The following OGFRL1 variants were observed in gnomAD, a reference collection of about 807,000 sequenced individuals.
The protein encoded by OGFRL1 is opioid growth factor receptor like 1, also known as opioid growth factor receptor-like protein 1.
Under a neutral mutation model 32.4 loss-of-function variants are expected in OGFRL1, and 26 were observed. The ratio of observed to expected loss-of-function variants is 0.80; its 90% confidence interval spans 0.59 to 1.11. OGFRL1 has a LOEUF of 1.11. Among genes scored for constraint, OGFRL1 ranks in the 50% most tolerant of loss-of-function variants. The pLI, the probability that OGFRL1 is intolerant of heterozygous loss-of-function variation, is 0.00. For missense variants in OGFRL1, 521 were observed against 546.4 expected (o/e 0.95, Z 0.46); for synonymous variants, 211 against 201.2 (o/e 1.05, Z -0.41).
At position 71,294,182 on chromosome 6, in the gene OGFRL1, C is replaced by G. The variant is rs1561947259; in HGVS notation, c.400+571C>G. ...AAATACACTTGTCTCCTTCCCAACT[C>G]TGCAATTGCCCTCCTAGGATATTTT... is the stretch of plus-strand genomic sequence containing the variant. On this transcript the variant is annotated intron_variant, in intron 3 of 6. Transcript: ENST00000370435. 3.9e-5 allele frequency among the ~76,000 whole-genome samples: 6 copies of G among 152,292 alleles called. No individual in the cohort carries two copies. The South Asian group carries it at 1.2e-3, about 32-fold the overall frequency.
chr6:71,296,445 G>A (rs1232350268), intron 4 of OGFRL1, 50 bp downstream of exon 4: 4 of 1,595,210 alleles, frequency 2.5e-6, no homozygotes, highest in Non-Finnish European at 3.4e-6. Context: ...AATCATGTAT[G>A]TTTTCCAGAC....
In OGFRL1 at chr6:71,301,967, A is replaced by G; in HGVS notation, c.1274A>G (p.Asn425Ser). Residue 425 changes from asparagine to serine, a missense_variant, in exon 7 of 7, where the codon AAT becomes AGT. Transcript: ENST00000370435. ...AAAAAGGAGAGTGTATCTCCTGAGAATAACGAAGAAGGTGGAAATGATAAC... is the reference window on the plus strand; with the variant it reads ...AAAAAGGAGAGTGTATCTCCTGAGAGTAACGAAGAAGGTGGAAATGATAAC... ...TEKKESVSPENNEEGGNDNQD... is the reference protein window; with the variant it reads ...TEKKESVSPESNEEGGNDNQD... The G allele has an allele frequency of 6.2e-7, 1 of 1,604,966 alleles. No individual in the cohort carries two copies. The highest frequency in any genetic ancestry group is 8.5e-7 in the Non-Finnish European group (1 of 1,177,848).
At chr6:71,289,867 T>G in intron 1 of OGFRL1, 1 of 967,972 alleles carries the variant, frequency 1.0e-6, no homozygotes, top group South Asian at 4.8e-5. Context: ...ATCAGGAACT[T>G]TAAAAAGGAG....
rs1766386213 is a variant in OGFRL1 at position 71,301,492 on chromosome 6, CT to C, written c.801del (p.Val268TrpfsTer13). 6.2e-7 allele frequency: 1 copy of C among 1,613,712 alleles called. No homozygotes were observed. The highest frequency in any genetic ancestry group is 8.5e-7 in the Non-Finnish European group (1 of 1,179,932). ...PLVKFILHEA[L>X]VENTIPNIKQ... The stretch of plus-strand genomic sequence containing the variant: ...TGTAAAATTTATTCTTCATGAAGCT[CT>C]TGTGGAGAATACTATTCCCAATATT... On this transcript the variant is annotated frameshift_variant, in exon 7 of 7. Transcript: ENST00000370435. LOFTEE classifies it low-confidence loss of function (END_TRUNC).
chr6:71,301,051 ATCAT>A (rs1429154625), intron 6 of OGFRL1, among the ~76,000 whole-genome samples: 4 of 152,200 alleles, frequency 2.6e-5, no homozygotes, highest in African/African-American at 4.8e-5. Flanking sequence ...GCTCTGTTAG[ATCAT>A]TCATCTTCAG....
intron 4 of OGFRL1, 49 bp from the exon 5 acceptor site, chr6:71,296,446 T>C (rs1291080696): frequency 3.1e-6 from 5 of 1,595,288 alleles, no homozygotes; most frequent in Non-Finnish European, 4.3e-6. Context: ...ATCATGTATG[T>C]TTTCCAGACA....
At chr6:71,289,376 G>A in intron 1 of OGFRL1, 4 of 984,552 alleles carry the variant, frequency 4.1e-6, no homozygotes, top group South Asian at 4.7e-5. Flanking sequence ...CCCTCCCACT[G>A]CCGGCCTGGG....
At position 71,288,969 on chromosome 6, in the gene OGFRL1, C is replaced by G; in HGVS notation, c.33C>G (p.Arg11=). 2 of 1,391,018 alleles carry G rather than the reference C, an allele frequency of 1.4e-6. No individual in the cohort carries two copies. Among genetic ancestry groups the G allele is most frequent in the Non-Finnish European group, 1.9e-6 (2 of 1,057,272 alleles). The allele number at this position is 1,391,018 out of a possible 1,614,324, so 86.2% of individuals were successfully genotyped here. The change falls in exon 1 of 7, where the codon CGC becomes CGG. Residue 11 remains arginine, a synonymous_variant. Transcript: ENST00000370435. MGNLLGGVSF[R]EPTTVEDCDS... is the part of the protein sequence containing the mutation. The stretch of plus-strand genomic sequence containing the variant: ...ACCTGCTCGGCGGGGTCAGCTTCCG[C>G]GAGCCCACCACCGTGGAGGACTGCG...
Position 71,308,175 on chromosome 6 carries a change from T to C in OGFRL1, c.*6126T>C, listed in dbSNP as rs1035199566. ...TAGCAACAGTTGGTAGTTTTACAAG[T>C]TAAGTTGATGGTCTGGCTGCAGATA... is the stretch of plus-strand genomic sequence containing the variant. On this transcript the variant is annotated 3_prime_UTR_variant, in exon 7 of 7. Transcript: ENST00000370435. The C allele has an allele frequency of 6.6e-6, 1 of 152,180 alleles. No individual in the cohort carries two copies. The highest frequency in any genetic ancestry group is 2.4e-5 in the African/African-American group (1 of 41,448). The allele number at this position is 152,180 out of a possible 1,614,324, so 9.4% of individuals were successfully genotyped here. A position where few individuals can be genotyped will look rare whatever the true frequency, so the allele number is the denominator to read the frequency against.
At chr6:71,295,148 C>T (rs1455899128) in intron 3 of OGFRL1, 1 of 152,086 alleles carries the variant, frequency 6.6e-6, no homozygotes, top group African/African-American at 2.4e-5. Flanking sequence ...CACACACGCA[C>T]ACACACACTA....
At position 71,301,429 on chromosome 6, in the gene OGFRL1, C is replaced by T; in HGVS notation, c.736C>T (p.Leu246Phe). ...YLRITRILKSLGELGYESFKS... is the reference protein window; with the variant it reads ...YLRITRILKSFGELGYESFKS... ...AAGAATCACTCGTATTCTTAAAAGCCTTGGTGAGCTTGGATATGAAAGTTT... is the reference window on the plus strand; with the variant it reads ...AAGAATCACTCGTATTCTTAAAAGCTTTGGTGAGCTTGGATATGAAAGTTT... The change falls in exon 7 of 7, where the codon CTT (leucine) becomes TTT (phenylalanine). Residue 246 changes from leucine (L) to phenylalanine (F), a missense_variant. Physicochemically the swap from Leu to Phe is conservative, Grantham distance 22. Coordinates refer to ENST00000370435, the MANE Select transcript of OGFRL1 (RefSeq NM_024576.5). 1 of 1,606,774 alleles carries T rather than the reference C, an allele frequency of 6.2e-7. No homozygotes were observed. Among genetic ancestry groups the T allele is most frequent in the Non-Finnish European group, 8.5e-7 (1 of 1,177,974 alleles).
At position 71,308,876 on chromosome 6, in the gene OGFRL1, A is replaced by G. The variant is rs1421983463; in HGVS notation, c.*6827A>G. 6.6e-6 allele frequency: 1 copy of G among 152,220 alleles called. No individual in the cohort carries two copies. Among genetic ancestry groups the G allele is most frequent in the African/African-American group, 2.4e-5 (1 of 41,460 alleles). 9.4% of individuals were successfully genotyped at this position (152,220 alleles called of 1,614,324 possible). On this transcript the variant is annotated 3_prime_UTR_variant, in exon 7 of 7. Transcript: ENST00000370435. ...TAATAAAAGCCACTCCATCTTAGATAACATTTTAGCATTGTGCTAGAGTAC... is the reference window on the plus strand; with the variant it reads ...TAATAAAAGCCACTCCATCTTAGATGACATTTTAGCATTGTGCTAGAGTAC...
At position 71,288,880 on chromosome 6, in the gene OGFRL1, C is replaced by T; in HGVS notation, c.-57C>T. On this transcript the variant is annotated 5_prime_UTR_variant, in exon 1 of 7. Coordinates refer to ENST00000370435, the MANE Select transcript of OGFRL1 (RefSeq NM_024576.5). The stretch of plus-strand genomic sequence containing the variant: ...GCGGCCATGCCCGGGCCCTAGAGCG[C>T]CTGCCGCAGCTTGCGCCCCGCAGCC... 3 of 1,190,532 alleles carry T rather than the reference C, an allele frequency of 2.5e-6. No homozygotes were observed. The highest frequency in any genetic ancestry group is 3.8e-5 in the South Asian group (2 of 52,484). 73.7% of individuals were successfully genotyped at this position (1,190,532 alleles called of 1,614,324 possible). A position where few individuals can be genotyped will look rare whatever the true frequency, so the allele number is the denominator to read the frequency against.
chr6:71,290,480 C>G (rs1195795713), intron 1 of OGFRL1, among the ~76,000 whole-genome samples: 1 of 152,194 alleles, frequency 6.6e-6, no homozygotes, highest in African/African-American at 2.4e-5. Flanking sequence ...AGCTAAGATT[C>G]AATCCAACTA....
At position 71,301,393 on chromosome 6, in the gene OGFRL1, C is replaced by T; in HGVS notation, c.700C>T (p.His234Tyr). 1 of 1,573,846 alleles carries T rather than the reference C, an allele frequency of 6.4e-7. No homozygotes were observed. Among genetic ancestry groups the T allele is most frequent in the Non-Finnish European group, 8.6e-7 (1 of 1,162,496 alleles). Reference protein sequence around the residue: ...ERFQHLNESQHNYLRITRILK... With the variant: ...ERFQHLNESQYNYLRITRILK... ...TTCAATCCTCTCTTCCAGGTCCCAG[C>T]ACAACTATTTAAGAATCACTCGTAT... Residue 234 changes from histidine (H) to tyrosine (Y), a missense_variant, in exon 7 of 7, where the codon CAC becomes TAC. His to Tyr is a moderately conservative substitution (Grantham distance 83, BLOSUM62 2). Coordinates refer to ENST00000370435, the MANE Select transcript of OGFRL1 (RefSeq NM_024576.5).
At chr6:71,291,630 G>C (rs1453644979) in intron 1 of OGFRL1, 1 of 152,280 alleles carries the variant, frequency 6.6e-6, no homozygotes, top group Non-Finnish European at 1.5e-5. Context: ...AAGGGAATAG[G>C]GGTTGGAAGA....
Position 71,306,652 on chromosome 6 carries a change from A to G in OGFRL1, c.*4603A>G, listed in dbSNP as rs1766559541. On this transcript the variant is annotated 3_prime_UTR_variant, in exon 7 of 7. Transcript: ENST00000370435. Reference sequence around the variant, plus strand: ...CTGTTTGGGACAATAGCATCAGTTTATCAAGAAGTGTACTCACCATGATAT... The same window carrying G: ...CTGTTTGGGACAATAGCATCAGTTTGTCAAGAAGTGTACTCACCATGATAT... 1 of 152,212 alleles carries G rather than the reference A, an allele frequency of 6.6e-6. No homozygotes were observed. The highest frequency in any genetic ancestry group is 1.5e-5 in the Non-Finnish European group (1 of 68,032). The allele number at this position is 152,212 out of a possible 1,614,324, so 9.4% of individuals were successfully genotyped here. A position where few individuals can be genotyped will look rare whatever the true frequency, so the allele number is the denominator to read the frequency against.
chr6:71,293,402 T>G (rs1180541377), intron 2 of OGFRL1, 23 bp downstream of exon 2: 1 of 1,604,378 alleles, frequency 6.2e-7, no homozygotes, highest in African/African-American at 1.3e-5. Flanking sequence ...AATGCTATGT[T>G]TTAAACTGTA....
rs1766625587 is a variant in OGFRL1 at position 71,308,596 on chromosome 6, T to C, written c.*6547T>C. 1 of 152,212 alleles carries C rather than the reference T, an allele frequency of 6.6e-6. No individual in the cohort carries two copies. Among genetic ancestry groups the C allele is most frequent in the African/African-American group, 2.4e-5 (1 of 41,452 alleles). 9.4% of individuals were successfully genotyped at this position (152,212 alleles called of 1,614,324 possible). On this transcript the variant is annotated 3_prime_UTR_variant, in exon 7 of 7. Transcript: ENST00000370435. Reference sequence around the variant, plus strand: ...CTGCAGTATGAATTACAGAATGCTGTGCATGTTCGTTAGTACCAATACCAT... The same window carrying C: ...CTGCAGTATGAATTACAGAATGCTGCGCATGTTCGTTAGTACCAATACCAT...
Sources: allele counts gnomAD v4.1 joint callset (sites outside exome capture counted in the v4.1 genomes callset), GRCh38; gene constraint gnomAD v4.1.1; transcripts MANE v1.5; gene names NCBI Gene and HGNC (gene_info 2026-07-23, HGNC 2026-07-21).